SGCD: variants seen among roughly 807,000 people sequenced by gnomAD.
The protein encoded by SGCD is delta-sarcoglycan.
A neutral mutation model predicts 36.6 loss-of-function variants in SGCD; 18 were observed. The observed-to-expected ratio is 0.49, with a 90% confidence interval of 0.34 to 0.73. SGCD has a LOEUF of 0.73. SGCD is among the 30% of genes least tolerant of loss of function. The probability of loss-of-function intolerance (pLI) is 0.01; values close to 1 mark genes in which losing one functional copy is unlikely to be tolerated. For synonymous variants in SGCD, 133 were observed against 130.6 expected (o/e 1.02, Z -0.12); for missense variants, 387 against 346.7 (o/e 1.12, Z -0.92).
At chr5:156,208,602 T>C (rs1289512303) in intron 3 of SGCD, among the ~76,000 whole-genome samples, 1 of 152,222 alleles carries the variant, frequency 6.6e-6, no homozygotes, top group African/African-American at 2.4e-5. Context: ...TGGACAGTCT[T>C]TTCTGACTTT....
chr5:155,880,088 C>T (rs1392358905), intron 1 of SGCD, among the ~76,000 whole-genome samples: 4 of 152,278 alleles, frequency 2.6e-5, no homozygotes, highest in East Asian at 3.9e-4. Flanking sequence ...TTTAAGAGCT[C>T]TGAAGTTAGC....
chr5:155,816,584 C>A, the SGCD span, among the ~76,000 whole-genome samples: 1,395 of 152,206 alleles, frequency 9.2e-3, 22 homozygotes, highest in African/African-American at 0.032. Context: ...AAGTTCAAAC[C>A]TGCATTGTTC....
intron 7 of SGCD, among the ~76,000 whole-genome samples, chr5:156,652,170 G>T (rs1022168350): frequency 6.6e-6 from 1 of 151,858 alleles, no homozygotes; most frequent in Non-Finnish European, 1.5e-5. Flanking sequence ...GAGTCTTTAG[G>T]GTTTTCTAGC....
At chr5:155,973,929 C>T (rs1160836973) in intron 1 of SGCD, among the ~76,000 whole-genome samples, 1 of 152,100 alleles carries the variant, frequency 6.6e-6, no homozygotes, top group Non-Finnish European at 1.5e-5. Flanking sequence ...GGTCTGGCCT[C>T]CAATGTAGGT....
chr5:156,649,435 AT>A (rs1763368738), intron 7 of SGCD, among the ~76,000 whole-genome samples: 1 of 152,210 alleles, frequency 6.6e-6, no homozygotes, highest in Non-Finnish European at 1.5e-5. Context: ...AGCACTATTC[AT>A]AATAGCAAAG....
intron 3 of SGCD, among the ~76,000 whole-genome samples, chr5:156,181,368 C>A (rs919715906): frequency 6.6e-6 from 1 of 152,140 alleles, no homozygotes; most frequent in Non-Finnish European, 1.5e-5. Flanking sequence ...AAAAAACTTG[C>A]TATCATTAAC....
chr5:156,700,605 C>G (rs941127530), intron 7 of SGCD, among the ~76,000 whole-genome samples: 1 of 152,058 alleles, frequency 6.6e-6, no homozygotes, highest in Non-Finnish European at 1.5e-5. Context: ...TTGACTTTTC[C>G]CCCAGATCAT....
intron 1 of SGCD, among the ~76,000 whole-genome samples, chr5:155,954,595 A>G (rs568631234): frequency 1.5e-4 from 22 of 150,288 alleles, no homozygotes; most frequent in Admixed American, 3.3e-4. Flanking sequence ...AAATGACTAG[A>G]ATATAAAACT....
chr5:156,354,754 A>T (rs1769419952), intron 3 of SGCD, among the ~76,000 whole-genome samples: 1 of 152,222 alleles, frequency 6.6e-6, no homozygotes, highest in African/African-American at 2.4e-5. Context: ...GGATCTGTTC[A>T]TGCTGACTGA....
chr5:156,249,928 A>T (rs1765534420), intron 3 of SGCD, among the ~76,000 whole-genome samples: 1 of 152,212 alleles, frequency 6.6e-6, no homozygotes, highest in Non-Finnish European at 1.5e-5. Flanking sequence ...GAAAAATCTG[A>T]CTGTCTAATC....
chr5:156,165,381 A>G (rs1763189221), intron 3 of SGCD, among the ~76,000 whole-genome samples: 1 of 152,220 alleles, frequency 6.6e-6, no homozygotes, highest in Admixed American at 6.5e-5. Flanking sequence ...GGTCTAAGAG[A>G]TGGAATCTTT....
At chr5:155,992,966 T>C (rs1403685340) in intron 1 of SGCD, among the ~76,000 whole-genome samples, 1 of 152,092 alleles carries the variant, frequency 6.6e-6, no homozygotes. Flanking sequence ...GCTTCTTCCT[T>C]TTTGTGGGCT....
chr5:155,912,976 C>T (rs998801429), intron 1 of SGCD, among the ~76,000 whole-genome samples: 12 of 152,144 alleles, frequency 7.9e-5, no homozygotes, highest in Admixed American at 3.3e-4. Context: ...AAGGTGTCCA[C>T]GTCTGAATCT....
At chr5:156,390,972 T>G (rs1300710677) in intron 3 of SGCD, among the ~76,000 whole-genome samples, 1 of 152,142 alleles carries the variant, frequency 6.6e-6, no homozygotes, top group African/African-American at 2.4e-5. Flanking sequence ...GTAGCCTAAG[T>G]GTACCGTTTT....
At chr5:155,883,928 A>G (rs1755946327) in intron 1 of SGCD, among the ~76,000 whole-genome samples, 1 of 152,022 alleles carries the variant, frequency 6.6e-6, no homozygotes, top group South Asian at 2.1e-4. Flanking sequence ...CCTACAGGGT[A>G]GTTATTGGCA....
intron 2 of SGCD, among the ~76,000 whole-genome samples, chr5:156,338,730 G>A (rs1768489299): frequency 6.6e-6 from 1 of 152,098 alleles, no homozygotes; most frequent in Non-Finnish European, 1.5e-5. Flanking sequence ...AAGTTAGCAG[G>A]CTTCTCAGAC....
chr5:155,777,975 A>G, the SGCD span, among the ~76,000 whole-genome samples: 1 of 152,048 alleles, frequency 6.6e-6, no homozygotes, highest in Non-Finnish European at 1.5e-5. Context: ...CTTTATACCT[A>G]TTGCTCTAGA....
At chr5:155,887,290 G>C (rs1756026720) in intron 1 of SGCD, among the ~76,000 whole-genome samples, 1 of 152,140 alleles carries the variant, frequency 6.6e-6, no homozygotes, top group African/African-American at 2.4e-5. Flanking sequence ...CAATCTTTAT[G>C]ATTTGCTGTC....
At chr5:156,575,187 A>G (rs1759883743) in intron 4 of SGCD, among the ~76,000 whole-genome samples, 1 of 152,208 alleles carries the variant, frequency 6.6e-6, no homozygotes, top group Admixed American at 6.5e-5. Flanking sequence ...TGAAAAGCGT[A>G]TCTTAATCTT....
Sources: allele counts gnomAD v4.1 joint callset (sites outside exome capture counted in the v4.1 genomes callset), GRCh38; gene constraint gnomAD v4.1.1; transcripts MANE v1.5; gene names NCBI Gene and HGNC (gene_info 2026-07-23, HGNC 2026-07-21).